Variants in PDE10A observed in about 807,000 individuals in gnomAD.
PDE10A encodes cAMP and cAMP-inhibited cGMP 3',5'-cyclic phosphodiesterase 10A.
A neutral mutation model predicts 97.7 loss-of-function variants in PDE10A; 39 were observed. The observed-to-expected ratio is 0.40, with a 90% confidence interval of 0.31 to 0.52. The LOEUF (loss-of-function observed/expected upper bound fraction) is 0.52, where lower values mean the gene tolerates loss of function less well. Among genes scored for constraint, PDE10A ranks in the 20% least tolerant of loss-of-function variants. PDE10A has a pLI of 0.56. For missense variants in PDE10A, 731 were observed against 1,047.8 expected, an observed-to-expected ratio of 0.70 and a Z score of 4.17; for synonymous variants, 371 against 376.8, an observed-to-expected ratio of 0.98 and a Z score of 0.18.
chr6:165,673,729 T>C (rs1790712280), intron 1 of PDE10A, among the ~76,000 whole-genome samples: 1 of 152,256 alleles, frequency 6.6e-6, no homozygotes, highest in Non-Finnish European at 1.5e-5. Flanking sequence ...GGTGAAGGCA[T>C]TTCTGCCAAT....
chr6:165,968,852 G>A (rs150183520), intron 1 of PDE10A, among the ~76,000 whole-genome samples: 4 of 152,180 alleles, frequency 2.6e-5, no homozygotes, highest in Non-Finnish European at 5.9e-5. Flanking sequence ...AGCCTGTAGG[G>A]CCCCACTGAC....
chr6:165,355,357 T>C (rs1782960535), intron 18 of PDE10A, among the ~76,000 whole-genome samples: 1 of 152,190 alleles, frequency 6.6e-6, no homozygotes, highest in African/African-American at 2.4e-5. Context: ...TTCTAGTCAA[T>C]GTCCCTCATC....
At chr6:165,624,525 AAACTT>A (rs1317088515) in intron 1 of PDE10A, among the ~76,000 whole-genome samples, 2 of 152,074 alleles carry the variant, frequency 1.3e-5, no homozygotes, top group Admixed American at 1.3e-4. Flanking sequence ...AGCCCTCCTA[AAACTT>A]AACATTCTAA....
intron 1 of PDE10A, among the ~76,000 whole-genome samples, chr6:165,955,512 C>T (rs144148963): frequency 1.8e-3 from 272 of 152,258 alleles, no homozygotes; most frequent in African/African-American, 6.2e-3. Flanking sequence ...CTACCTCCAC[C>T]GTCTGCCTGC....
intron 1 of PDE10A, chr6:165,940,682 T>A (rs1484869811): frequency 6.6e-6 from 1 of 152,278 alleles, no homozygotes; most frequent in African/African-American, 2.4e-5. Context: ...CTGGGAGCGT[T>A]CTGTCCTGTG....
intron 13 of PDE10A, among the ~76,000 whole-genome samples, chr6:165,398,892 T>C (rs900112770): frequency 1.3e-5 from 2 of 152,074 alleles, no homozygotes; most frequent in Admixed American, 6.6e-5. Context: ...GACTGTCAGA[T>C]TGAATAAAAA....
At chr6:165,736,536 A>T (rs937300131) in intron 1 of PDE10A, among the ~76,000 whole-genome samples, 1 of 152,190 alleles carries the variant, frequency 6.6e-6, no homozygotes, top group African/African-American at 2.4e-5. Context: ...CTGGCCTCCC[A>T]AGCTCCAGCC....
intron 1 of PDE10A, among the ~76,000 whole-genome samples, chr6:165,760,677 C>T (rs1382554843): frequency 2.0e-5 from 3 of 152,198 alleles, no homozygotes; most frequent in Non-Finnish European, 4.4e-5. Context: ...GCTGGCTGAA[C>T]TCCTACATTG....
intron 1 of PDE10A, among the ~76,000 whole-genome samples, chr6:165,985,422 G>C (rs563355044): frequency 6.6e-6 from 1 of 152,080 alleles, no homozygotes; most frequent in African/African-American, 2.4e-5. Flanking sequence ...TTTCTCATTG[G>C]TGTTATTCTA....
chr6:165,451,478 C>G (rs557044378), intron 3 of PDE10A, among the ~76,000 whole-genome samples: 3 of 152,216 alleles, frequency 2.0e-5, no homozygotes, highest in East Asian at 3.9e-4. Flanking sequence ...GAATAATAAA[C>G]AAAAACGCCT....
intron 1 of PDE10A, among the ~76,000 whole-genome samples, chr6:165,650,576 T>C (rs1789632796): frequency 1.3e-5 from 2 of 152,258 alleles, no homozygotes; most frequent in South Asian, 2.1e-4. Flanking sequence ...GACATTCGTT[T>C]ACACTGCTGC....
chr6:165,543,311 A>C, intron 2 of PDE10A, 129 bp downstream of exon 2: 1 of 590,048 alleles, frequency 1.7e-6, no homozygotes, highest in Admixed American at 3.5e-5. Flanking sequence ...AAATGGAATA[A>C]CTCTGATAGA....
chr6:165,528,250 G>T (rs1211618880), intron 2 of PDE10A, among the ~76,000 whole-genome samples: 1 of 152,214 alleles, frequency 6.6e-6, no homozygotes, highest in African/African-American at 2.4e-5. Flanking sequence ...CTCACCAATG[G>T]GTGACCTCAG....
intron 2 of PDE10A, among the ~76,000 whole-genome samples, chr6:165,525,679 A>G (rs1425314768): frequency 6.6e-6 from 1 of 152,098 alleles, no homozygotes; most frequent in African/African-American, 2.4e-5. Flanking sequence ...TCACTCAAAT[A>G]CCAAATTTAA....
At chr6:165,390,277 C>A (rs1298233467) in intron 16 of PDE10A, among the ~76,000 whole-genome samples, 1 of 152,192 alleles carries the variant, frequency 6.6e-6, no homozygotes, top group African/African-American at 2.4e-5. Context: ...ACCCTTGGAT[C>A]TCGCAAGGTG....
chr6:165,956,992 T>G (rs141999965), intron 1 of PDE10A, among the ~76,000 whole-genome samples: 49 of 152,234 alleles, frequency 3.2e-4, no homozygotes, highest in Non-Finnish European at 6.3e-4. Context: ...GGAGGTGGGC[T>G]AGGAACACAC....
At chr6:165,394,591 G>C (rs543421972) in intron 15 of PDE10A, among the ~76,000 whole-genome samples, 18 of 152,300 alleles carry the variant, frequency 1.2e-4, no homozygotes, top group African/African-American at 4.1e-4. Flanking sequence ...CTAGTAATGG[G>C]ATTGCTAGGT....
Position 165,547,862 on chromosome 6 carries a change from C to G in PDE10A, c.866-4294G>C, listed in dbSNP as rs16897977. Among the ~76,000 whole-genome samples, 623 of 152,302 alleles carry G rather than the reference C, an allele frequency of 4.1e-3. 3 individuals carry two copies. Among genetic ancestry groups the G allele is most frequent in the African/African-American group, 0.014 (595 of 41,576 alleles). On this transcript the variant is annotated intron_variant, in intron 1 of 21. Transcript: ENST00000539869. ...TGAGGCTACTTTTCTTCTGTCTTCA[C>G]AGAAATCTTACAAGCTTCTCATAAA...
intron 1 of PDE10A, among the ~76,000 whole-genome samples, chr6:165,937,305 A>T (rs1370773571): frequency 2.0e-5 from 3 of 152,240 alleles, no homozygotes; most frequent in Non-Finnish European, 2.9e-5. Context: ...AAAGTACAAG[A>T]CAAGAAGACA....
Sources: allele counts gnomAD v4.1 joint callset (sites outside exome capture counted in the v4.1 genomes callset), GRCh38; gene constraint gnomAD v4.1.1; transcripts MANE v1.5; gene names NCBI Gene and HGNC (gene_info 2026-07-23, HGNC 2026-07-21).